Variants in ZNF215 observed in about 807,000 individuals in gnomAD.
ZNF215 encodes zinc finger protein 215, also known as BWSCR2-associated zinc finger protein 2.
A neutral mutation model predicts 27.2 loss-of-function variants in ZNF215; 24 were observed. The ratio of observed to expected loss-of-function variants is 0.88; its 90% CI spans 0.64 to 1.24. ZNF215 has a LOEUF of 1.24. Ranked by LOEUF, ZNF215 falls within the 50% of genes most tolerant of loss-of-function variation. The pLI is 0.00. For missense variants in ZNF215, 675 were observed against 605.7 expected (o/e 1.11, Z -1.20); for synonymous variants, 210 against 204.0 (o/e 1.03, Z -0.25).
At chr11:6,983,988 G>A (rs920213653) in intron 5 of ZNF215, 11 of 235,446 alleles carry the variant, frequency 4.7e-5, no homozygotes, top group South Asian at 3.3e-4. Flanking sequence ...GAGACTAAAC[G>A]CCTAAAACAT....
Position 6,956,799 on chromosome 11 carries a change from A to C in ZNF215, c.*268A>C. 8.3e-7 allele frequency: 1 copy of C among 1,204,166 alleles called. No individual in the cohort carries two copies. The highest frequency in any genetic ancestry group is 1.0e-6 in the Non-Finnish European group (1 of 969,148). The allele number at this position is 1,204,166 out of a possible 1,614,324, so 74.6% of individuals were successfully genotyped here. ...CAAGTATTTGTTTATCATTATTTTG[A>C]TATCCATTACCCTCACCTCTCCCTA... On this transcript the variant is annotated 3_prime_UTR_variant, in exon 7 of 7. Transcript: ENST00000278319.
intron 6 of ZNF215, among the ~76,000 whole-genome samples, chr11:6,952,392 G>C (rs966943927): frequency 5.3e-5 from 8 of 152,062 alleles, no homozygotes; most frequent in Non-Finnish European, 8.8e-5. Flanking sequence ...GGTCACTCAG[G>C]ACTTGCTTTA....
chr11:6,927,013 A>G (rs916503755), intron 1 of ZNF215: 2 of 152,234 alleles, frequency 1.3e-5, no homozygotes, highest in African/African-American at 2.4e-5. Context: ...CGCTAAAGCA[A>G]GGATTTAACC....
chr11:6,944,028 C>A (rs1319627967), intron 6 of ZNF215, among the ~76,000 whole-genome samples: 3 of 152,170 alleles, frequency 2.0e-5, no homozygotes, highest in Non-Finnish European at 4.4e-5. Flanking sequence ...GTAATCCCAG[C>A]ACTTTGGAAG....
chr11:6,930,826 A>C (rs990538632), intron 2 of ZNF215, among the ~76,000 whole-genome samples: 1 of 152,362 alleles, frequency 6.6e-6, no homozygotes, highest in Non-Finnish European at 1.5e-5. Flanking sequence ...TCAGCTTTAT[A>C]CATATAGTAA....
In ZNF215 at chr11:6,956,759, C is replaced by T. The variant is rs1209724163; in HGVS notation, c.*228C>T. 6 of 1,325,146 alleles carry T rather than the reference C, an allele frequency of 4.5e-6. No homozygotes were observed. The highest frequency in any genetic ancestry group is 3.0e-5 in the East Asian group (1 of 32,952). The allele number at this position is 1,325,146 out of a possible 1,614,324, so 82.1% of individuals were successfully genotyped here. On this transcript the variant is annotated 3_prime_UTR_variant, in exon 7 of 7. Coordinates refer to ENST00000278319, the MANE Select transcript of ZNF215 (RefSeq NM_013250.4). ...AAGCCATAAGGCTTTGGAGTTAAACCACAGTATCACCATACAAGTATTTGT... is the reference window on the plus strand; with the variant it reads ...AAGCCATAAGGCTTTGGAGTTAAACTACAGTATCACCATACAAGTATTTGT...
chr11:6,960,606 G>A (rs1177357789), downstream of ZNF215, among the ~76,000 whole-genome samples: 1 of 152,134 alleles, frequency 6.6e-6, no homozygotes, highest in Non-Finnish European at 1.5e-5. Context: ...TATATCATAA[G>A]CACCTTACTA....
At chr11:6,958,207 A>T (rs947723725), downstream of ZNF215, among the ~76,000 whole-genome samples, 3 of 152,226 alleles carry the variant, frequency 2.0e-5, no homozygotes, top group Non-Finnish European at 1.5e-5. Flanking sequence ...ATGTTCATTC[A>T]TCATAGTACT....
At chr11:6,953,140 C>T (rs1419528166) in intron 6 of ZNF215, among the ~76,000 whole-genome samples, 2 of 152,064 alleles carry the variant, frequency 1.3e-5, no homozygotes, top group African/African-American at 2.4e-5. Context: ...GTGGGTAACC[C>T]GACCTTTCTC....
At chr11:6,955,465 G>A (rs368393232) in intron 6 of ZNF215, among the ~76,000 whole-genome samples, 45 of 152,158 alleles carry the variant, frequency 3.0e-4, no homozygotes, top group Admixed American at 2.1e-3. Flanking sequence ...GCCCTATACC[G>A]TTTTTTTAGT....
At chr11:6,959,083 A>G (rs562603952), downstream of ZNF215, among the ~76,000 whole-genome samples, 1 of 152,306 alleles carries the variant, frequency 6.6e-6, no homozygotes, top group East Asian at 1.9e-4. Flanking sequence ...TTGGCACTCA[A>G]TATTAATCAT....
intron 5 of ZNF215, among the ~76,000 whole-genome samples, chr11:6,974,684 C>T (rs1446278114): frequency 3.9e-5 from 6 of 152,032 alleles, no homozygotes; most frequent in African/African-American, 7.2e-5. Flanking sequence ...CATGATTTGG[C>T]TCTCTGTTTG....
intron 6 of ZNF215, among the ~76,000 whole-genome samples, chr11:6,948,527 CTG>C (rs1849911956): frequency 6.6e-6 from 1 of 152,118 alleles, no homozygotes; most frequent in South Asian, 2.1e-4. Context: ...AATGAAGACA[CTG>C]AAGTTTTTTC....
At chr11:6,962,381 A>G (rs974273822), downstream of ZNF215, among the ~76,000 whole-genome samples, 3 of 152,156 alleles carry the variant, frequency 2.0e-5, no homozygotes, top group African/African-American at 7.2e-5. Context: ...CCAGGCTCCC[A>G]GAGAGGAGAA....
intron 2 of ZNF215, among the ~76,000 whole-genome samples, chr11:6,928,136 T>G (rs1169701894): frequency 6.6e-6 from 1 of 152,218 alleles, no homozygotes; most frequent in African/African-American, 2.4e-5. Context: ...AAATATGGTT[T>G]CCACTACTCT....
intron 6 of ZNF215, among the ~76,000 whole-genome samples, chr11:6,950,849 G>C (rs2133266290): frequency 6.7e-6 from 1 of 150,082 alleles, no homozygotes; most frequent in South Asian, 2.1e-4. Flanking sequence ...TGTCCATTCA[G>C]TATGATATTG....
At chr11:6,972,919 T>TA (rs397797593) in intron 5 of ZNF215, among the ~76,000 whole-genome samples, 6 of 151,612 alleles carry the variant, frequency 4.0e-5, no homozygotes, top group African/African-American at 7.3e-5. Flanking sequence ...TAATTTTTTT[T>TA]ATTATACTTT....
downstream of ZNF215, among the ~76,000 whole-genome samples, chr11:6,990,662 T>A (rs1445086854): frequency 6.6e-6 from 1 of 152,246 alleles, no homozygotes. Context: ...TTTCAAAAAT[T>A]CTTAAGAATG....
chr11:6,974,177 T>C (rs528427109), intron 5 of ZNF215, among the ~76,000 whole-genome samples: 1 of 152,302 alleles, frequency 6.6e-6, no homozygotes, highest in East Asian at 1.9e-4. Flanking sequence ...CTTGTTTTTG[T>C]CAGGTTTGTC....
Sources: gnomAD v4.1 joint callset for allele counts (sites outside exome capture counted in the v4.1 genomes callset) on GRCh38, gnomAD v4.1.1 for gene constraint, MANE v1.5 for transcripts, NCBI Gene and HGNC (gene_info 2026-07-23, HGNC 2026-07-21) for gene names.